Variants in LDLRAD3 observed in about 807,000 individuals in gnomAD.
LDLRAD3 encodes the protein low-density lipoprotein receptor class A domain-containing protein 3.
Under a neutral mutation model 29.4 loss-of-function variants are expected in LDLRAD3, and 20 were observed. The observed-to-expected ratio is 0.68, with a 90% CI of 0.48 to 0.99. LDLRAD3 has a LOEUF of 0.99. Among genes scored for constraint, LDLRAD3 ranks in the 50% least tolerant of loss-of-function variants. The pLI, the probability that LDLRAD3 is intolerant of heterozygous loss-of-function variation, is 0.00. For missense variants in LDLRAD3, 420 were observed against 454.3 expected, an observed-to-expected ratio of 0.92 and a Z score of 0.69; for synonymous variants, 157 against 192.7, an observed-to-expected ratio of 0.81 and a Z score of 1.53.
chr11:36,018,894 CTTTA>C lies in LDLRAD3; in HGVS notation c.47-17206_47-17203del, dbSNP rs1323925737. Among the ~76,000 whole-genome samples the C allele has an allele frequency of 7.9e-5, 12 of 152,018 alleles. No individual in the cohort carries two copies. The East Asian group carries it at 1.4e-3, about 17-fold the overall frequency. ...TTTTTGTGCCATGCTTGTTCGTTTT[CTTTA>C]TTCATTTTTTTCTTGGTTTGTTTGC... On this transcript the variant is annotated intron_variant, in intron 1 of 5. Coordinates refer to ENST00000315571, the MANE Select transcript of LDLRAD3 (RefSeq NM_174902.4).
At chr11:35,954,355 G>A (rs1851174854) in intron 1 of LDLRAD3, among the ~76,000 whole-genome samples, 1 of 152,162 alleles carries the variant, frequency 6.6e-6, no homozygotes, top group Non-Finnish European at 1.5e-5. Flanking sequence ...ATCCTGAACA[G>A]AAAAAAGAAT....
chr11:35,944,231 C>G lies in LDLRAD3; in HGVS notation c.46+87C>G. On this transcript the variant is annotated intron_variant, in intron 1 of 5. Coordinates refer to ENST00000315571, the MANE Select transcript of LDLRAD3 (RefSeq NM_174902.4). The surrounding 1 kb of genome is among the most constrained non-coding windows in gnomAD (Gnocchi z 4.9). ...GCGGCCGGGTGCGATCGCGTCCTCT[C>G]CCGGGCGCGGGCCGCTCTCCGGGCG... is the stretch of plus-strand genomic sequence containing the variant. The G allele has an allele frequency of 1.2e-6, 1 of 801,956 alleles. No individual in the cohort carries two copies. The highest frequency in any genetic ancestry group is 1.5e-6 in the Non-Finnish European group (1 of 661,752). 49.7% of individuals were successfully genotyped at this position (801,956 alleles called of 1,614,324 possible).
At chr11:36,093,181 G>A (rs925015756) in intron 3 of LDLRAD3, among the ~76,000 whole-genome samples, 7 of 152,126 alleles carry the variant, frequency 4.6e-5, no homozygotes, top group African/African-American at 1.4e-4. Context: ...TAGACTAGAC[G>A]TTCAAAAATG....
At chr11:36,155,400 A>T (rs1448510142) in intron 4 of LDLRAD3, among the ~76,000 whole-genome samples, 1 of 152,164 alleles carries the variant, frequency 6.6e-6, no homozygotes, top group Non-Finnish European at 1.5e-5. Context: ...AAAGAATTTC[A>T]TCTAAAACTT....
At chr11:36,130,874 A>G (rs187446564) in intron 4 of LDLRAD3, among the ~76,000 whole-genome samples, 1 of 152,314 alleles carries the variant, frequency 6.6e-6, no homozygotes, top group Non-Finnish European at 1.5e-5. Context: ...GGCCTCTCTC[A>G]GTCCAAGTCC....
intron 4 of LDLRAD3, among the ~76,000 whole-genome samples, chr11:36,191,538 GTCTCTCTCTCTCTCTCTC>G (rs751965155): frequency 1.8e-5 from 1 of 55,694 alleles, no homozygotes; most frequent in African/African-American, 7.7e-5. Context: ...GCAAGACCCT[GTCTCTCTCTCTCTCTCTC>G]TCTCTCTCTC....
chr11:36,129,687 A>C (rs1023014075), intron 4 of LDLRAD3, among the ~76,000 whole-genome samples: 2 of 152,100 alleles, frequency 1.3e-5, no homozygotes, highest in African/African-American at 4.8e-5. Flanking sequence ...AAAATGTGGA[A>C]GGAGGCATCC....
At chr11:36,062,096 G>A (rs1182911453) in intron 2 of LDLRAD3, among the ~76,000 whole-genome samples, 1 of 152,182 alleles carries the variant, frequency 6.6e-6, no homozygotes, top group Non-Finnish European at 1.5e-5. Context: ...TTACAGATGA[G>A]AGAGGAAAAG....
At chr11:36,221,818 G>A (rs1855432739) in intron 4 of LDLRAD3, among the ~76,000 whole-genome samples, 1 of 152,168 alleles carries the variant, frequency 6.6e-6, no homozygotes, top group Admixed American at 6.5e-5. Context: ...GAAGCTCCCA[G>A]TGTTACTGGT....
At chr11:35,954,008 T>C (rs1851170144) in intron 1 of LDLRAD3, among the ~76,000 whole-genome samples, 1 of 152,170 alleles carries the variant, frequency 6.6e-6, no homozygotes, top group Non-Finnish European at 1.5e-5. Flanking sequence ...TTAAGAATAT[T>C]TGGTATTAAT....
intron 3 of LDLRAD3, among the ~76,000 whole-genome samples, chr11:36,097,649 G>A (rs1002997260): frequency 6.6e-6 from 1 of 152,154 alleles, no homozygotes; most frequent in South Asian, 2.1e-4. Flanking sequence ...ATGAAGAGAA[G>A]TGGGTTAAAA....
chr11:36,136,865 A>G (rs1266027173), intron 4 of LDLRAD3, among the ~76,000 whole-genome samples: 1 of 151,912 alleles, frequency 6.6e-6, no homozygotes, highest in Non-Finnish European at 1.5e-5. Context: ...TAATTTTTGT[A>G]TTTTTAGTAG....
chr11:36,121,611 C>G (rs1285925606), intron 4 of LDLRAD3, among the ~76,000 whole-genome samples: 2 of 152,166 alleles, frequency 1.3e-5, no homozygotes, highest in Admixed American at 1.3e-4. Flanking sequence ...TTGTGGAATT[C>G]TGGAGAAGTA....
At chr11:36,204,000 A>C (rs1855166456) in intron 4 of LDLRAD3, among the ~76,000 whole-genome samples, 1 of 106,598 alleles carries the variant, frequency 9.4e-6, no homozygotes, top group African/African-American at 3.7e-5. Context: ...CATTAAGCAC[A>C]ATGGCTTTTA....
intron 1 of LDLRAD3, among the ~76,000 whole-genome samples, chr11:35,962,628 T>C (rs1250997540): frequency 3.9e-5 from 6 of 152,204 alleles, no homozygotes; most frequent in Non-Finnish European, 8.8e-5. Context: ...TCAAAGATTA[T>C]GAAATAGAAA....
At chr11:35,960,683 C>T (rs907575549) in intron 1 of LDLRAD3, among the ~76,000 whole-genome samples, 17 of 152,268 alleles carry the variant, frequency 1.1e-4, no homozygotes, top group South Asian at 6.2e-4. Flanking sequence ...TGCAACCCCC[C>T]GCCTGTTGGG....
chr11:36,090,897 A>T (rs1402157959), intron 3 of LDLRAD3, among the ~76,000 whole-genome samples: 1 of 152,090 alleles, frequency 6.6e-6, no homozygotes, highest in Admixed American at 6.5e-5. Context: ...GGCCCAGAGG[A>T]CCTGTTGAGC....
At chr11:36,202,993 A>G (rs1855149663) in intron 4 of LDLRAD3, among the ~76,000 whole-genome samples, 1 of 151,790 alleles carries the variant, frequency 6.6e-6, no homozygotes, top group Admixed American at 6.6e-5. Flanking sequence ...CTGGAGTGCA[A>G]TGGTGCCGTC....
chr11:36,093,530 G>A (rs1853314875), intron 3 of LDLRAD3, among the ~76,000 whole-genome samples: 1 of 151,964 alleles, frequency 6.6e-6, no homozygotes, highest in Non-Finnish European at 1.5e-5. Flanking sequence ...ACAGTACATA[G>A]CCTACTACTG....
Sources: gnomAD v4.1 joint callset for allele counts (sites outside exome capture counted in the v4.1 genomes callset) on GRCh38, gnomAD v4.1.1 for gene constraint, Gnocchi (gnomAD v3.1) non-coding constraint, MANE v1.5 for transcripts, NCBI Gene and HGNC (gene_info 2026-07-23, HGNC 2026-07-21) for gene names.